The following SLC35F1 variants were observed in gnomAD, a reference collection of about 807,000 sequenced individuals.
The protein encoded by SLC35F1 is solute carrier family 35 member F1, also known as chromosome 6 open reading frame 169.
Under a neutral mutation model 48.7 loss-of-function variants are expected in SLC35F1, and 14 were observed. The observed-to-expected ratio is 0.29, with a 90% confidence interval of 0.19 to 0.45. SLC35F1 has a LOEUF of 0.45. SLC35F1 is among the 20% of genes least tolerant of loss of function. SLC35F1 has a pLI of 1.00. For synonymous variants in SLC35F1, 190 were observed against 202.2 expected, an observed-to-expected ratio of 0.94 and a Z score of 0.51; for missense variants, 404 against 500.0, an observed-to-expected ratio of 0.81 and a Z score of 1.83.
intron 1 of SLC35F1, among the ~76,000 whole-genome samples, chr6:118,001,939 AG>A (rs1206063382): frequency 3.3e-5 from 5 of 149,876 alleles, no homozygotes; most frequent in African/African-American, 1.2e-4. Context: ...ATCATTAAAA[AG>A]TCAGGAAACA....
chr6:118,287,463 T>G (rs1776064934), intron 7 of SLC35F1, among the ~76,000 whole-genome samples: 1 of 152,218 alleles, frequency 6.6e-6, no homozygotes, highest in South Asian at 2.1e-4. Context: ...CTGCAGTCAC[T>G]GCTTGGGCAG....
At chr6:118,157,444 G>A (rs755436952) in intron 2 of SLC35F1, among the ~76,000 whole-genome samples, 4 of 152,160 alleles carry the variant, frequency 2.6e-5, no homozygotes, top group Non-Finnish European at 5.9e-5. Context: ...ATATATGAAA[G>A]GGAGTTTATT....
At chr6:118,221,401 G>A (rs1217753710) in intron 2 of SLC35F1, among the ~76,000 whole-genome samples, 1 of 152,172 alleles carries the variant, frequency 6.6e-6, no homozygotes, top group Non-Finnish European at 1.5e-5. Flanking sequence ...ACCTCTGCTG[G>A]AAGAGTTGCC....
rs190475338 is a variant in SLC35F1 at position 117,969,423 on chromosome 6, C to A, written c.173+61524C>A. ...TTATTTTTATTTCCTGATTCAGAAA[C>A]GTAATGTATGGACATGGTCTAACTT... On this transcript the variant is annotated intron_variant, in intron 1 of 7. Transcript: ENST00000360388. Among the ~76,000 whole-genome samples, 3 of 152,054 alleles carry A rather than the reference C, an allele frequency of 2.0e-5. No individual in the cohort carries two copies. The South Asian group carries it at 6.2e-4, about 32-fold the overall frequency.
intron 1 of SLC35F1, among the ~76,000 whole-genome samples, chr6:117,945,643 T>G (rs1776286795): frequency 6.6e-6 from 1 of 152,224 alleles, no homozygotes; most frequent in Admixed American, 6.5e-5. Flanking sequence ...TTTTTAGACC[T>G]GCAAGTAAAG....
chr6:118,113,903 TA>T (rs1773442388), intron 1 of SLC35F1, among the ~76,000 whole-genome samples: 1 of 152,226 alleles, frequency 6.6e-6, no homozygotes, highest in African/African-American at 2.4e-5. Flanking sequence ...AAGCTGTTAA[TA>T]TATTTGCAGT....
chr6:118,173,533 C>A (rs1370624094), intron 2 of SLC35F1, among the ~76,000 whole-genome samples: 3 of 152,154 alleles, frequency 2.0e-5, no homozygotes, highest in African/African-American at 7.2e-5. Context: ...CATGAGTCTT[C>A]ACCTAGTGCT....
chr6:117,974,694 A>G (rs921840168), intron 1 of SLC35F1, among the ~76,000 whole-genome samples: 2 of 152,224 alleles, frequency 1.3e-5, no homozygotes, highest in South Asian at 4.1e-4. Context: ...TATTCATTAC[A>G]TTATAAATTA....
At chr6:118,206,550 A>G (rs1774937650) in intron 2 of SLC35F1, among the ~76,000 whole-genome samples, 1 of 152,244 alleles carries the variant, frequency 6.6e-6, no homozygotes, top group East Asian at 1.9e-4. Context: ...TGAATATATT[A>G]TGCTAAGCAA....
At chr6:118,306,186 C>T (rs1455771170) in intron 7 of SLC35F1, among the ~76,000 whole-genome samples, 1 of 144,622 alleles carries the variant, frequency 6.9e-6, no homozygotes, top group African/African-American at 2.5e-5. Flanking sequence ...AGGTGGCAGC[C>T]TTAACTTTCA....
At chr6:118,307,487 G>T (rs1003302407) in intron 7 of SLC35F1, among the ~76,000 whole-genome samples, 3 of 152,094 alleles carry the variant, frequency 2.0e-5, no homozygotes, top group African/African-American at 7.2e-5. Context: ...AAAAAGAGGA[G>T]AAATAAGGGA....
Position 118,194,769 on chromosome 6 carries a change from T to C in SLC35F1, c.349+40149T>C, listed in dbSNP as rs201307244. Among the ~76,000 whole-genome samples, 13 of 152,326 alleles carry C rather than the reference T, an allele frequency of 8.5e-5. No individual in the cohort carries two copies. In the East Asian group the frequency reaches 2.5e-3, roughly 29 times the overall value. On this transcript the variant is annotated intron_variant, in intron 2 of 7. Coordinates refer to ENST00000360388, the MANE Select transcript of SLC35F1 (RefSeq NM_001029858.4). Reference sequence around the variant, plus strand: ...GAGAGAGGGGCCAGAAGTCTGACTGTAAGAAATTCTTGCCCTTTTGCTGGC... The same window carrying C: ...GAGAGAGGGGCCAGAAGTCTGACTGCAAGAAATTCTTGCCCTTTTGCTGGC...
chr6:117,912,018 C>T (rs1250621977), intron 1 of SLC35F1, among the ~76,000 whole-genome samples: 3 of 152,122 alleles, frequency 2.0e-5, no homozygotes, highest in African/African-American at 7.2e-5. Context: ...TTTATCTTTT[C>T]CCACATGAGT....
intron 2 of SLC35F1, among the ~76,000 whole-genome samples, chr6:118,227,211 C>T (rs1775230088): frequency 6.6e-6 from 1 of 152,148 alleles, no homozygotes; most frequent in Admixed American, 6.5e-5. Context: ...GAGGGAGAGG[C>T]CCAACCTGGC....
chr6:118,180,371 A>T (rs1239574630), intron 2 of SLC35F1, among the ~76,000 whole-genome samples: 1 of 152,160 alleles, frequency 6.6e-6, no homozygotes, highest in Admixed American at 6.6e-5. Context: ...GCGTAACAAT[A>T]AGCTACAGAA....
chr6:118,135,045 C>T (rs970273943), intron 1 of SLC35F1, among the ~76,000 whole-genome samples: 4 of 152,108 alleles, frequency 2.6e-5, no homozygotes, highest in East Asian at 1.9e-4. Flanking sequence ...AGAACAAGGA[C>T]GTCACGTTTC....
At chr6:118,184,074 A>G (rs1163000918) in intron 2 of SLC35F1, among the ~76,000 whole-genome samples, 1 of 152,180 alleles carries the variant, frequency 6.6e-6, no homozygotes, top group Non-Finnish European at 1.5e-5. Context: ...AATTCCTCTG[A>G]GTGATTTAGA....
chr6:118,210,133 AC>A (rs1489670343), intron 2 of SLC35F1, among the ~76,000 whole-genome samples: 1 of 152,192 alleles, frequency 6.6e-6, no homozygotes, highest in Non-Finnish European at 1.5e-5. Flanking sequence ...GAGCTCTTCC[AC>A]CTTGAGGAGC....
intron 1 of SLC35F1, among the ~76,000 whole-genome samples, chr6:117,965,521 A>G (rs1224944186): frequency 6.6e-6 from 1 of 152,132 alleles, no homozygotes; most frequent in Non-Finnish European, 1.5e-5. Flanking sequence ...GGCCCTCTCC[A>G]TTGTATTAGG....
Sources: gnomAD v4.1 joint callset for allele counts (sites outside exome capture counted in the v4.1 genomes callset) on GRCh38, gnomAD v4.1.1 for gene constraint, MANE v1.5 for transcripts, NCBI Gene and HGNC (gene_info 2026-07-23, HGNC 2026-07-21) for gene names.